ANAPC10: variants seen among roughly 807,000 people sequenced by gnomAD.
The protein encoded by ANAPC10 is anaphase promoting complex subunit 10.
ANAPC10 carries 12 observed loss-of-function variants against 22.0 expected under a neutral mutation model. The ratio of observed to expected loss-of-function variants is 0.55; its 90% confidence interval spans 0.35 to 0.88. The LOEUF is 0.88. Among genes scored for constraint, ANAPC10 ranks in the 40% least tolerant of loss-of-function variants. ANAPC10 has a pLI of 0.01. For missense variants in ANAPC10, 188 were observed against 220.9 expected (o/e 0.85, Z 0.94); for synonymous variants, 65 against 69.5 (o/e 0.94, Z 0.32).
Position 145,054,642 on chromosome 4 carries a change from C to T in ANAPC10, c.327+9930G>A, listed in dbSNP as rs549046531. On this transcript the variant is annotated intron_variant, in intron 4 of 4. Transcript: ENST00000507656. ...GTGTGTGTGTGTGTGTGTGTGTGTGCGCGCGCGCGCGCGTGCGTGCAGCGC... is the reference window on the plus strand; with the variant it reads ...GTGTGTGTGTGTGTGTGTGTGTGTGTGCGCGCGCGCGCGTGCGTGCAGCGC... Among the ~76,000 whole-genome samples the T allele has an allele frequency of 2.6e-3, 171 of 66,160 alleles. 1 individual carries two copies. Among genetic ancestry groups the T allele is most frequent in the Middle Eastern group, 0.018 (2 of 112 alleles). The allele number at this position is 66,160 out of a possible 152,430, so 43.4% of individuals were successfully genotyped here. A position where few individuals can be genotyped will look rare whatever the true frequency, so the allele number is the denominator to read the frequency against.
At chr4:145,018,721 A>T (rs1735577928) in intron 4 of ANAPC10, among the ~76,000 whole-genome samples, 1 of 152,158 alleles carries the variant, frequency 6.6e-6, no homozygotes, top group Non-Finnish European at 1.5e-5. Flanking sequence ...CACACAAGGA[A>T]TCATATAAAC....
intron 2 of ANAPC10, among the ~76,000 whole-genome samples, chr4:145,089,457 A>G (rs954847349): frequency 6.6e-6 from 1 of 152,154 alleles, no homozygotes; most frequent in African/African-American, 2.4e-5. Flanking sequence ...ACATTGGATT[A>G]ATTTGGTGCT....
intron 4 of ANAPC10, among the ~76,000 whole-genome samples, chr4:145,054,651 G>GCA (rs1388143715): frequency 2.7e-5 from 4 of 148,682 alleles, no homozygotes; most frequent in South Asian, 2.1e-4. Flanking sequence ...GCGCGCGCGC[G>GCA]CGCGTGCGTG....
intron 2 of ANAPC10, among the ~76,000 whole-genome samples, chr4:145,090,636 C>A (rs1048354102): frequency 3.3e-5 from 5 of 152,162 alleles, no homozygotes; most frequent in African/African-American, 1.2e-4. Flanking sequence ...ATTACTTAAT[C>A]TTTCTGTACT....
At chr4:145,052,077 G>A (rs1741184727) in intron 4 of ANAPC10, among the ~76,000 whole-genome samples, 2 of 152,124 alleles carry the variant, frequency 1.3e-5, no homozygotes, top group South Asian at 4.2e-4. Context: ...ACAGAAGCAG[G>A]GAGTAGGATG....
chr4:145,059,926 C>T (rs938279102), intron 4 of ANAPC10, among the ~76,000 whole-genome samples: 2 of 152,022 alleles, frequency 1.3e-5, no homozygotes, highest in Non-Finnish European at 2.9e-5. Context: ...AAACATAATG[C>T]TAAAACGCAA....
At chr4:145,030,159 G>GC (rs1184552806) in intron 4 of ANAPC10, among the ~76,000 whole-genome samples, 2 of 152,196 alleles carry the variant, frequency 1.3e-5, no homozygotes, top group African/African-American at 4.8e-5. Flanking sequence ...TTGATAGGAA[G>GC]CCTACTGCAT....
chr4:145,016,432 C>T (rs1231347614), intron 4 of ANAPC10, among the ~76,000 whole-genome samples: 4 of 152,292 alleles, frequency 2.6e-5, no homozygotes, highest in South Asian at 4.1e-4. Context: ...AGGACCTCTT[C>T]AAGGAGAACT....
chr4:145,017,196 T>G (rs1735302804), intron 4 of ANAPC10, among the ~76,000 whole-genome samples: 1 of 151,948 alleles, frequency 6.6e-6, no homozygotes, highest in Non-Finnish European at 1.5e-5. Flanking sequence ...CCTACAGAAT[T>G]GGAGAAAATT....
At chr4:145,032,504 C>A (rs1737763037) in intron 4 of ANAPC10, among the ~76,000 whole-genome samples, 1 of 152,210 alleles carries the variant, frequency 6.6e-6, no homozygotes, top group Admixed American at 6.5e-5. Flanking sequence ...TGCTCGCCAA[C>A]AAGTGACCTC....
chr4:145,045,441 C>A (rs1560869875), intron 4 of ANAPC10, among the ~76,000 whole-genome samples: 1 of 151,886 alleles, frequency 6.6e-6, no homozygotes, highest in Non-Finnish European at 1.5e-5. Flanking sequence ...ATCACTCGGC[C>A]TAAAAAAAAT....
intron 4 of ANAPC10, among the ~76,000 whole-genome samples, chr4:145,052,282 T>C (rs1400244850): frequency 1.3e-5 from 2 of 152,150 alleles, no homozygotes; most frequent in African/African-American, 4.8e-5. Context: ...GAATGACATA[T>C]ATGTGAGGTA....
intron 4 of ANAPC10, among the ~76,000 whole-genome samples, chr4:145,009,070 G>C (rs944782630): frequency 6.6e-6 from 1 of 152,038 alleles, no homozygotes; most frequent in African/African-American, 2.4e-5. Flanking sequence ...AATCATGAGT[G>C]AACTCCCATT....
At chr4:145,008,831 C>G (rs1369823492) in intron 4 of ANAPC10, among the ~76,000 whole-genome samples, 1 of 152,172 alleles carries the variant, frequency 6.6e-6, no homozygotes, top group Non-Finnish European at 1.5e-5. Flanking sequence ...GTTGGAAGTT[C>G]TGGCCAGGGC....
At chr4:145,005,713 T>C (rs1733237885) in intron 4 of ANAPC10, among the ~76,000 whole-genome samples, 2 of 152,198 alleles carry the variant, frequency 1.3e-5, no homozygotes, top group Non-Finnish European at 2.9e-5. Flanking sequence ...TAATTTCATG[T>C]GTACCCAGAA....
intron 4 of ANAPC10, among the ~76,000 whole-genome samples, chr4:145,049,567 A>C (rs985306097): frequency 6.6e-5 from 10 of 152,150 alleles, no homozygotes; most frequent in African/African-American, 2.4e-4. Flanking sequence ...ATTTGGTCGC[A>C]TCTTCAGGCT....
intron 4 of ANAPC10, among the ~76,000 whole-genome samples, chr4:145,020,428 C>T (rs1450323040): frequency 2.0e-5 from 3 of 152,004 alleles, no homozygotes; most frequent in Admixed American, 2.0e-4. Context: ...AAGGAACATA[C>T]CTCAATGTAA....
intron 4 of ANAPC10, among the ~76,000 whole-genome samples, chr4:145,024,246 T>C (rs1216132157): frequency 1.3e-5 from 2 of 152,208 alleles, no homozygotes; most frequent in African/African-American, 2.4e-5. Flanking sequence ...AAGTCATCAA[T>C]GCAGACTGGA....
At chr4:145,094,961 CATTT>C (rs1748279918) in intron 2 of ANAPC10, among the ~76,000 whole-genome samples, 1 of 152,070 alleles carries the variant, frequency 6.6e-6, no homozygotes, top group Non-Finnish European at 1.5e-5. Flanking sequence ...TGTTATCACT[CATTT>C]ATCCAATTGA....
Sources: gnomAD v4.1 joint callset for allele counts (sites outside exome capture counted in the v4.1 genomes callset) on GRCh38, gnomAD v4.1.1 for gene constraint, MANE v1.5 for transcripts, NCBI Gene and HGNC (gene_info 2026-07-23, HGNC 2026-07-21) for gene names.